MON1A: variants seen among roughly 807,000 people sequenced by gnomAD.
MON1A encodes vacuolar fusion protein MON1 homolog A.
MON1A carries 29 observed loss-of-function variants against 44.6 expected under a neutral mutation model. The ratio of observed to expected loss-of-function variants is 0.65; its 90% CI spans 0.48 to 0.89. The LOEUF (loss-of-function observed/expected upper bound fraction) is 0.89, where lower values mean the gene tolerates loss of function less well. MON1A is among the 40% of genes least tolerant of loss of function. The pLI is 0.00. For missense variants in MON1A, 615 were observed against 759.6 expected, an observed-to-expected ratio of 0.81 and a Z score of 2.24; for synonymous variants, 275 against 316.4, an observed-to-expected ratio of 0.87 and a Z score of 1.39.
intron 2 of MON1A, chr3:49,912,936 A>G: frequency 1.9e-6 from 1 of 538,866 alleles, no homozygotes; most frequent in Non-Finnish European, 3.4e-6. Flanking sequence ...CTAACTCGTG[A>G]GGAGGGGAGA....
chr3:49,921,091 G>A (rs368118751), intron 1 of MON1A, among the ~76,000 whole-genome samples: 7 of 152,072 alleles, frequency 4.6e-5, no homozygotes, highest in African/African-American at 1.7e-4. Context: ...GGGAGGTAGA[G>A]CTTGCAATGA....
intron 1 of MON1A, among the ~76,000 whole-genome samples, chr3:49,921,655 T>C (rs914653086): frequency 1.3e-5 from 2 of 149,600 alleles, no homozygotes; most frequent in African/African-American, 4.9e-5. Flanking sequence ...TTTTTTTTTT[T>C]TAAGAGATGG....
Position 49,911,685 on chromosome 3 carries a change from G to A in MON1A, c.454C>T (p.Arg152Cys), listed in dbSNP as rs555274206. Residue 152 changes from arginine to cysteine, a missense_variant, in exon 3 of 6, where the codon CGC becomes TGC. Physicochemically the swap from Arg to Cys is radical, Grantham distance 180 (BLOSUM62 -3). Transcript: ENST00000296473. The surrounding 1 kb of genome is among the most constrained non-coding windows in gnomAD (Gnocchi z 5.7). The part of the protein sequence containing the change: ...GDEEDATEAW[R>C]LHQKHVFVLS... ...ACAAAGACATGCTTCTGGTGCAGGCGCCATGCCTCCGTGGCATCCTCCTCA... is the reference window on the plus strand; with the variant it reads ...ACAAAGACATGCTTCTGGTGCAGGCACCATGCCTCCGTGGCATCCTCCTCA... The A allele has an allele frequency of 3.3e-5, 53 of 1,613,982 alleles. No homozygotes were observed. The highest frequency in any genetic ancestry group is 4.2e-5 in the Non-Finnish European group (49 of 1,180,030).
At position 49,910,067 on chromosome 3, in the gene MON1A, A is replaced by T; in HGVS notation, c.1379+52T>A. 6.6e-7 allele frequency: 1 copy of T among 1,519,732 alleles called. No homozygotes were observed. The highest frequency in any genetic ancestry group is 2.3e-5 in the East Asian group (1 of 43,998). 94.1% of individuals were successfully genotyped at this position (1,519,732 alleles called of 1,614,324 possible). The stretch of plus-strand genomic sequence containing the variant: ...GAGCTCAGGACCAAACAGCCTCCCG[A>T]CTCCACATGTCCCTGTCCCGCTACA... On this transcript the variant is annotated intron_variant, in intron 4 of 5. Coordinates refer to ENST00000296473, the MANE Select transcript of MON1A (RefSeq NM_032355.4). This position sits in a 1 kb window ranked among gnomAD's most constrained non-coding sequence, Gnocchi z 8.0.
rs200037149 is a variant in MON1A, at chr3:49,911,918, T to A, written c.221A>T (p.Lys74Met). 6.2e-7 allele frequency: 1 copy of A among 1,613,838 alleles called. No individual in the cohort carries two copies. The highest frequency in any genetic ancestry group is 2.2e-5 in the East Asian group (1 of 44,884). The change falls in exon 3 of 6, where the codon AAG becomes ATG. Residue 74 changes from lysine (K) to methionine (M), a missense_variant. Lys to Met is a moderately conservative substitution (Grantham distance 95). Coordinates refer to ENST00000296473, the MANE Select transcript of MON1A (RefSeq NM_032355.4). The surrounding 1 kb of genome is among the most constrained non-coding windows in gnomAD (Gnocchi z 5.7). Reference sequence around the variant, plus strand: ...CGGCGGGGGACCCCTGGTACCCTCCTTGTGGCTGTCCCCAGAAGCTGCCCC... The same window carrying A: ...CGGCGGGGGACCCCTGGTACCCTCCATGTGGCTGTCCCCAGAAGCTGCCCC... Reference protein sequence around the residue: ...EDGAASGDSHKEGTRGPPPLP... With the variant: ...EDGAASGDSHMEGTRGPPPLP...
At chr3:49,917,930 C>T (rs2082961022) in intron 1 of MON1A, among the ~76,000 whole-genome samples, 1 of 152,020 alleles carries the variant, frequency 6.6e-6, no homozygotes, top group South Asian at 2.1e-4. Flanking sequence ...TGCTTATAAT[C>T]CCAGCTACTC....
Position 49,910,748 on chromosome 3 carries a change from C to T in MON1A, c.750G>A (p.Ala250=), listed in dbSNP as rs143511060. 2.4e-5 allele frequency: 38 copies of T among 1,614,084 alleles called. No homozygotes were observed. Among genetic ancestry groups the T allele is most frequent in the Middle Eastern group, 3.3e-4 (2 of 6,062 alleles). The change falls in exon 4 of 6, where the codon GCG becomes GCA. Residue 250 remains alanine (A), a synonymous_variant. Coordinates refer to ENST00000296473, the MANE Select transcript of MON1A (RefSeq NM_032355.4). The surrounding 1 kb of genome is among the most constrained non-coding windows in gnomAD (Gnocchi z 8.0). ...TCTGCTGGAAGATGTGGCTCAGCTGCGCACCGGTAAGAAGGCTTAGGATCT... is the reference window on the plus strand; with the variant it reads ...TCTGCTGGAAGATGTGGCTCAGCTGTGCACCGGTAAGAAGGCTTAGGATCT... ...YYQILSLLTG[A]QLSHIFQQKQ...
In MON1A at chr3:49,910,620, G is replaced by C; in HGVS notation, c.878C>G (p.Ala293Gly). 6.3e-7 allele frequency: 1 copy of C among 1,598,714 alleles called. No homozygotes were observed. Among genetic ancestry groups the C allele is most frequent in the Non-Finnish European group, 8.5e-7 (1 of 1,171,866 alleles). The change falls in exon 4 of 6, where the codon GCA becomes GGA. Residue 293 changes from alanine to glycine, a missense_variant. Coordinates refer to ENST00000296473, the MANE Select transcript of MON1A (RefSeq NM_032355.4). This position sits in a 1 kb window ranked among gnomAD's most constrained non-coding sequence, Gnocchi z 8.0. Reference sequence around the variant, plus strand: ...GGCCGCCGCCAGGGGCAGGCACCGTGCCGCCCCCATCAGGAAGCTGGGGTC... The same window carrying C: ...GGCCGCCGCCAGGGGCAGGCACCGTCCCGCCCCCATCAGGAAGCTGGGGTC... ...ARDPSFLMGAARCLPLAAAVR... is the reference protein window; with the variant it reads ...ARDPSFLMGAGRCLPLAAAVR...
chr3:49,914,607 G>A (rs140773385), intron 1 of MON1A, among the ~76,000 whole-genome samples: 192 of 143,456 alleles, frequency 1.3e-3, no homozygotes, highest in African/African-American at 5.0e-3. Context: ...GAGTGCAGTG[G>A]TGCGATCTCA....
chr3:49,910,892 C>A lies in MON1A; in HGVS notation c.614-8G>T. 6.3e-7 allele frequency: 1 copy of A among 1,587,984 alleles called. No individual in the cohort carries two copies. The highest frequency in any genetic ancestry group is 8.6e-7 in the Non-Finnish European group (1 of 1,162,438). ...ATACTACCTTGTAGCCATCTGAGAG[C>A]GGGACAGGAAAGAAGGATGTCAGCC... On this transcript the variant is annotated splice_region_variant and splice_polypyrimidine_tract_variant and intron_variant, in intron 3 of 5. Coordinates refer to ENST00000296473, the MANE Select transcript of MON1A (RefSeq NM_032355.4). This position sits in a 1 kb window ranked among gnomAD's most constrained non-coding sequence, Gnocchi z 8.0.
Position 49,911,416 on chromosome 3 carries a change from C to G in MON1A, c.613+110G>C. The G allele has an allele frequency of 6.9e-7, 1 of 1,446,944 alleles. No individual in the cohort carries two copies. Among genetic ancestry groups the G allele is most frequent in the Non-Finnish European group, 9.2e-7 (1 of 1,082,986 alleles). 89.6% of individuals were successfully genotyped at this position (1,446,944 alleles called of 1,614,324 possible). On this transcript the variant is annotated intron_variant, in intron 3 of 5. Transcript: ENST00000296473. The surrounding 1 kb of genome is among the most constrained non-coding windows in gnomAD (Gnocchi z 5.7). ...AAGCTCAGAGAGGTAGAGGGACTTA[C>G]CCTCAGTCACACAGCACATCCCAGC...
chr3:49,928,675 C>T (rs971782619), intron 1 of MON1A, among the ~76,000 whole-genome samples: 14 of 152,120 alleles, frequency 9.2e-5, no homozygotes, highest in African/African-American at 3.1e-4. Flanking sequence ...CCCTTTGGAG[C>T]GGCCTGTCTG....
At position 49,909,114 on chromosome 3, in the gene MON1A, A is replaced by T; in HGVS notation, c.1568T>A (p.Leu523Gln). ...AFELYMCYSP[L>Q]GTKASAVSAI... ...ACTGACGGCTGACGCCTTGGTCCCC[A>T]GGGGGCTGTAACACATGTAGAGCTC... Residue 523 changes from leucine (L) to glutamine (Q), a missense_variant, in exon 6 of 6, where the codon CTG becomes CAG. Coordinates refer to ENST00000296473, the MANE Select transcript of MON1A (RefSeq NM_032355.4). The surrounding 1 kb of genome is among the most constrained non-coding windows in gnomAD (Gnocchi z 4.0). 4 of 1,613,352 alleles carry T rather than the reference A, an allele frequency of 2.5e-6. No homozygotes were observed. Among genetic ancestry groups the T allele is most frequent in the Non-Finnish European group, 3.4e-6 (4 of 1,179,546 alleles).
chr3:49,910,017 G>C lies in MON1A; in HGVS notation c.1379+102C>G. 1 of 1,339,306 alleles carries C rather than the reference G, an allele frequency of 7.5e-7. No individual in the cohort carries two copies. The highest frequency in any genetic ancestry group is 1.4e-5 in the South Asian group (1 of 69,798). The allele number at this position is 1,339,306 out of a possible 1,614,324, so 83.0% of individuals were successfully genotyped here. A position where few individuals can be genotyped will look rare whatever the true frequency, so the allele number is the denominator to read the frequency against. ...GCACACTGGTCTGCTTCCAAAGGTA[G>C]GGACAGCTTCAGGGCTACATCTCAG... On this transcript the variant is annotated intron_variant, in intron 4 of 5. Transcript: ENST00000296473. This position sits in a 1 kb window ranked among gnomAD's most constrained non-coding sequence, Gnocchi z 8.0.
At chr3:49,919,906 C>T (rs1343955810) in intron 1 of MON1A, among the ~76,000 whole-genome samples, 1 of 152,226 alleles carries the variant, frequency 6.6e-6, no homozygotes. Flanking sequence ...CCATTCGGAA[C>T]ACATGCCTTC....
chr3:49,911,178 GAGATAGATAGATT>G lies in MON1A; in HGVS notation c.614-307_614-295del, dbSNP rs2082873515. On this transcript the variant is annotated intron_variant, in intron 3 of 5. Coordinates refer to ENST00000296473, the MANE Select transcript of MON1A (RefSeq NM_032355.4). The surrounding 1 kb of genome is among the most constrained non-coding windows in gnomAD (Gnocchi z 5.7). ...TGGCTGGGTGGAGCTCAGGACCTGG[GAGATAGATAGATT>G]AGATAGATAGATAGATAGATAGATA... is the stretch of plus-strand genomic sequence containing the variant. Among the ~76,000 whole-genome samples the G allele has an allele frequency of 1.2e-5, 1 of 81,552 alleles. No homozygotes were observed. The highest frequency in any genetic ancestry group is 2.9e-4 in the South Asian group (1 of 3,466). The allele number at this position is 81,552 out of a possible 152,430, so 53.5% of individuals were successfully genotyped here.
In MON1A at chr3:49,909,189, G is replaced by GGC; in HGVS notation, c.1528-36_1528-35insGC. 6.2e-7 allele frequency: 1 copy of GGC among 1,611,180 alleles called. No individual in the cohort carries two copies. Among genetic ancestry groups the GGC allele is most frequent in the African/African-American group, 1.3e-5 (1 of 74,918 alleles). On this transcript the variant is annotated intron_variant, in intron 5 of 5. Transcript: ENST00000296473. This position sits in a 1 kb window ranked among gnomAD's most constrained non-coding sequence, Gnocchi z 4.0. ...GGGCAAAGGGTCGTCATCTAGGTTA[G>GGC]AGGCCCCTCATGGCCCATACCTAGG...
chr3:49,919,737 G>A (rs1025242882), intron 1 of MON1A, among the ~76,000 whole-genome samples: 2 of 151,978 alleles, frequency 1.3e-5, no homozygotes, highest in South Asian at 2.1e-4. Flanking sequence ...CCACCTTCAC[G>A]GATCCAAAGT....
Position 49,910,685 on chromosome 3 carries a change from T to G in MON1A, c.813A>C (p.Ser271=). ...NYDLRRLLSG[S]ERITDNLLQL... Reference sequence around the variant, plus strand: ...GCAGCAGGTTGTCGGTGATGCGCTCTGAGCCCGAGAGTAGGCGCCGCAAAT... The same window carrying G: ...GCAGCAGGTTGTCGGTGATGCGCTCGGAGCCCGAGAGTAGGCGCCGCAAAT... Residue 271 remains serine, a synonymous_variant, in exon 4 of 6, where the codon TCA becomes TCC. Transcript: ENST00000296473. This position sits in a 1 kb window ranked among gnomAD's most constrained non-coding sequence, Gnocchi z 8.0. 1 of 1,611,824 alleles carries G rather than the reference T, an allele frequency of 6.2e-7. No homozygotes were observed. Among genetic ancestry groups the G allele is most frequent in the South Asian group, 1.1e-5 (1 of 90,638 alleles).
Sources: allele counts gnomAD v4.1 joint callset (sites outside exome capture counted in the v4.1 genomes callset), GRCh38; gene constraint gnomAD v4.1.1; non-coding constraint Gnocchi (gnomAD v3.1); transcripts MANE v1.5; gene names NCBI Gene and HGNC (gene_info 2026-07-23, HGNC 2026-07-21).